STAG1: variants seen among roughly 807,000 people sequenced by gnomAD.
STAG1 encodes STAG1 cohesin complex component, also known as cohesin subunit SA-1.
STAG1 carries 26 observed loss-of-function variants against 170.9 expected under a neutral mutation model. The ratio of observed to expected loss-of-function variants is 0.15; its 90% CI spans 0.11 to 0.21. STAG1 has a LOEUF of 0.21. Among genes scored for constraint, STAG1 ranks in the 10% least tolerant of loss-of-function variants. STAG1 has a pLI of 1.00. For missense variants in STAG1, 964 were observed against 1,509.5 expected, an observed-to-expected ratio of 0.64 and a Z score of 5.99; for synonymous variants, 514 against 497.7, an observed-to-expected ratio of 1.03 and a Z score of -0.44.
At chr3:136,611,392 G>A (rs900825944) in intron 3 of STAG1, among the ~76,000 whole-genome samples, 3 of 151,818 alleles carry the variant, frequency 2.0e-5, no homozygotes, top group East Asian at 1.9e-4. Flanking sequence ...CAGGTGATCC[G>A]CCCGCCTCAG....
chr3:136,499,246 C>T (rs1025463228), intron 9 of STAG1, among the ~76,000 whole-genome samples: 5 of 152,100 alleles, frequency 3.3e-5, no homozygotes, highest in Admixed American at 1.3e-4. Context: ...AGTGCAGTGG[C>T]GCAATCAAGG....
At chr3:136,402,369 C>CA (rs1349952101) in intron 21 of STAG1, among the ~76,000 whole-genome samples, 1 of 151,624 alleles carries the variant, frequency 6.6e-6, no homozygotes, top group African/African-American at 2.4e-5. Context: ...AGGTGCGTGC[C>CA]ACCACACCCG....
rs57693506 is a variant in STAG1 at position 136,610,977 on chromosome 3, C to A, written c.133-6504G>T. Among the ~76,000 whole-genome samples the A allele has an allele frequency of 2.0e-5, 3 of 152,132 alleles. No individual in the cohort carries two copies. The South Asian group carries it at 6.2e-4, about 32-fold the overall frequency. On this transcript the variant is annotated intron_variant, in intron 3 of 33. Transcript: ENST00000383202. The stretch of plus-strand genomic sequence containing the variant: ...CACATATTAATATATGGGTTGAGTA[C>A]CCCTTATCTGAAATGCTTGGAACAA...
chr3:136,462,329 GTA>G (rs1459606244), intron 13 of STAG1, among the ~76,000 whole-genome samples: 1 of 152,090 alleles, frequency 6.6e-6, no homozygotes, highest in Non-Finnish European at 1.5e-5. Context: ...AACAAATGTG[GTA>G]TATATACACA....
chr3:136,688,399 ATTTTT>A (rs550515870), intron 1 of STAG1, among the ~76,000 whole-genome samples: 1 of 149,890 alleles, frequency 6.7e-6, no homozygotes, highest in African/African-American at 2.5e-5. Flanking sequence ...AAAAAGTTTA[ATTTTT>A]TTTTTCTTTT....
At chr3:136,736,710 C>T in intron 1 of STAG1, 1 of 1,603,380 alleles carries the variant, frequency 6.2e-7, no homozygotes, top group South Asian at 1.1e-5. Context: ...ATCTCTTTGG[C>T]TTCTCTCTCT....
Position 136,498,233 on chromosome 3 carries a change from T to TACACACAC in STAG1, c.902+1989_902+1990insGTGTGTGT, listed in dbSNP as rs1276688144. ...AATTATATATATATATATATATATA[T>TACACACAC]ACACATACATATACATACACACACA... is the stretch of plus-strand genomic sequence containing the variant. On this transcript the variant is annotated intron_variant, in intron 9 of 33. Coordinates refer to ENST00000383202, the MANE Select transcript of STAG1 (RefSeq NM_005862.3). 3.5e-5 allele frequency among the ~76,000 whole-genome samples: 2 copies of TACACACAC among 57,512 alleles called. 1 individual carries two copies. The highest frequency in any genetic ancestry group is 2.1e-4 in the African/African-American group (2 of 9,646). 37.7% of individuals were successfully genotyped at this position (57,512 alleles called of 152,430 possible). A position where few individuals can be genotyped will look rare whatever the true frequency, so the allele number is the denominator to read the frequency against.
intron 10 of STAG1, among the ~76,000 whole-genome samples, chr3:136,475,948 T>C (rs1360095813): frequency 6.6e-6 from 1 of 152,158 alleles, no homozygotes; most frequent in African/African-American, 2.4e-5. Context: ...AAATTGTAAG[T>C]GTGACAGAAT....
intron 13 of STAG1, among the ~76,000 whole-genome samples, chr3:136,461,450 A>T (rs1463928942): frequency 1.6e-4 from 25 of 152,220 alleles, no homozygotes; most frequent in Non-Finnish European, 2.9e-5. Context: ...AATTGTTGTG[A>T]GAACTAATAA....
intron 23 of STAG1, among the ~76,000 whole-genome samples, chr3:136,375,806 A>G (rs1937566646): frequency 6.6e-6 from 1 of 151,380 alleles, no homozygotes; most frequent in Non-Finnish European, 1.5e-5. Context: ...CATATCTACT[A>G]AAAATACAAA....
chr3:136,607,611 C>T (rs2107811830), intron 3 of STAG1, among the ~76,000 whole-genome samples: 1 of 152,256 alleles, frequency 6.6e-6, no homozygotes, highest in East Asian at 1.9e-4. Context: ...CCATGTTGGC[C>T]AGGCTGGTCT....
chr3:136,429,282 A>G (rs559885175), intron 16 of STAG1, among the ~76,000 whole-genome samples: 2 of 152,012 alleles, frequency 1.3e-5, no homozygotes, highest in African/African-American at 2.4e-5. Flanking sequence ...TGGCGGGTGC[A>G]TGTAATCCCT....
chr3:136,736,387 G>A, intron 1 of STAG1: 2 of 808,500 alleles, frequency 2.5e-6, no homozygotes, highest in Non-Finnish European at 4.1e-6. Context: ...GGACTGAAAA[G>A]CAAATACTAC....
chr3:136,553,507 G>C (rs890902713), intron 5 of STAG1, among the ~76,000 whole-genome samples: 1 of 152,238 alleles, frequency 6.6e-6, no homozygotes, highest in African/African-American at 2.4e-5. Context: ...CGGGTGTGGT[G>C]GCTCATGCCT....
intron 1 of STAG1, among the ~76,000 whole-genome samples, chr3:136,662,218 C>T (rs1392631931): frequency 6.7e-6 from 1 of 149,800 alleles, no homozygotes; most frequent in East Asian, 2.0e-4. Flanking sequence ...GTGGCATGAT[C>T]TCAGCTCACT....
intron 1 of STAG1, among the ~76,000 whole-genome samples, chr3:136,678,361 G>GA (rs1227917938): frequency 1.3e-5 from 2 of 151,452 alleles, no homozygotes; most frequent in Non-Finnish European, 2.9e-5. Flanking sequence ...ACCCAATGAT[G>GA]AAAAAATCCA....
intron 3 of STAG1, among the ~76,000 whole-genome samples, chr3:136,615,212 T>C (rs1471321721): frequency 6.6e-6 from 1 of 151,318 alleles, no homozygotes; most frequent in African/African-American, 2.4e-5. Context: ...CAATGAGCAA[T>C]GGTGTGAATG....
intron 6 of STAG1, among the ~76,000 whole-genome samples, chr3:136,540,082 C>G (rs3932048): frequency 0.36 from 54,684 of 151,720 alleles, 11,119 homozygotes; most frequent in African/African-American, 0.56. Flanking sequence ...TCAACTCCCA[C>G]AAAACCAAAT....
At chr3:136,403,189 T>C (rs1045307946) in intron 21 of STAG1, among the ~76,000 whole-genome samples, 20 of 112,010 alleles carry the variant, frequency 1.8e-4, no homozygotes, top group African/African-American at 6.3e-4. Context: ...ATCACACCAA[T>C]GCACTCTAGC....
Sources: allele counts gnomAD v4.1 joint callset (sites outside exome capture counted in the v4.1 genomes callset), GRCh38; gene constraint gnomAD v4.1.1; transcripts MANE v1.5; gene names NCBI Gene and HGNC (gene_info 2026-07-23, HGNC 2026-07-21).